The following CELF4 variants were observed in gnomAD, a reference collection of about 807,000 sequenced individuals.
CELF4 encodes CUG-BP- and ETR-3-like factor 4.
CELF4 carries 18 observed loss-of-function variants against 59.9 expected under a neutral mutation model. That is an observed-to-expected ratio of 0.30 (90% CI 0.21 to 0.45). The LOEUF (loss-of-function observed/expected upper bound fraction) is 0.45, where lower values mean the gene tolerates loss of function less well. CELF4 is among the 20% of genes least tolerant of loss of function. The pLI is 1.00. For synonymous variants in CELF4, 261 were observed against 267.1 expected, an observed-to-expected ratio of 0.98 and a Z score of 0.22; for missense variants, 456 against 689.0, an observed-to-expected ratio of 0.66 and a Z score of 3.79.
rs528497607 is a variant in CELF4 at position 37,444,549 on chromosome 18, C to T, written c.369+40976G>A. ...CTGCTCTACCCAAAAGCCAAGGTTA[C>T]AGCCGTAATAAACAAAGCTGCCCTT... On this transcript the variant is annotated intron_variant, in intron 2 of 12. Coordinates refer to ENST00000420428, the MANE Select transcript of CELF4 (RefSeq NM_020180.4). Among the ~76,000 whole-genome samples the T allele has an allele frequency of 3.8e-4, 58 of 151,830 alleles. 1 individual carries two copies. In the South Asian group the frequency reaches 0.012, roughly 30 times the overall value.
Position 37,485,336 on chromosome 18 carries a change from T to C in CELF4, c.369+189A>G, listed in dbSNP as rs1359854769. ...CACGGCCACGGCCAAGTGGGGCCCC[T>C]GTCCCGGATCCCGTTGGGCCCGGAC... On this transcript the variant is annotated intron_variant, in intron 2 of 12. Transcript: ENST00000420428. 3.3e-5 allele frequency among the ~76,000 whole-genome samples: 5 copies of C among 151,692 alleles called. No individual in the cohort carries two copies. The East Asian group carries it at 7.8e-4, about 24-fold the overall frequency.
chr18:37,336,024 G>C (rs939004637), intron 2 of CELF4, among the ~76,000 whole-genome samples: 6 of 152,156 alleles, frequency 3.9e-5, no homozygotes, highest in Non-Finnish European at 7.3e-5. Context: ...CAGTCTTGAT[G>C]GTCCTGCATT....
intron 1 of CELF4, among the ~76,000 whole-genome samples, chr18:37,500,192 G>T (rs921868592): frequency 2.6e-5 from 4 of 152,316 alleles, no homozygotes; most frequent in African/African-American, 9.6e-5. Context: ...GCCTAGTGCA[G>T]CCAGTGCCCC....
rs35971960 is a variant in CELF4 at position 37,431,362 on chromosome 18, C to CTTT, written c.369+54160_369+54162dup. On this transcript the variant is annotated intron_variant, in intron 2 of 12. Coordinates refer to ENST00000420428, the MANE Select transcript of CELF4 (RefSeq NM_020180.4). ...ACACAGCCACTTTCTCCTTTCTTTC[C>CTTT]TTTTTTTTTTTTTTTTTTTTTTTGA... Among the ~76,000 whole-genome samples the CTTT allele has an allele frequency of 5.9e-3, 484 of 81,526 alleles. 2 individuals carry two copies. Among genetic ancestry groups the CTTT allele is most frequent in the East Asian group, 7.7e-3 (19 of 2,456 alleles). 53.5% of individuals were successfully genotyped at this position (81,526 alleles called of 152,430 possible).
intron 1 of CELF4, among the ~76,000 whole-genome samples, chr18:37,520,746 C>T (rs1203902236): frequency 1.3e-5 from 2 of 152,160 alleles, no homozygotes; most frequent in African/African-American, 2.4e-5. Flanking sequence ...CCCTTCTTAC[C>T]CAGAGGGGAC....
At chr18:37,364,106 T>C (rs1157937475) in intron 2 of CELF4, among the ~76,000 whole-genome samples, 3 of 152,208 alleles carry the variant, frequency 2.0e-5, no homozygotes, top group African/African-American at 7.2e-5. Flanking sequence ...TTCCTTTAAA[T>C]GGGAATGTTT....
rs543531116 is a variant in CELF4 at position 37,385,085 on chromosome 18, G to A, written c.370-63204C>T. On this transcript the variant is annotated intron_variant, in intron 2 of 12. Coordinates refer to ENST00000420428, the MANE Select transcript of CELF4 (RefSeq NM_020180.4). ...CACTAGGCTGGGCGTGGTGGCTCAC[G>A]CCTGTAATCCCAGCACTTTGGGAGG... Among the ~76,000 whole-genome samples the A allele has an allele frequency of 9.2e-5, 14 of 152,186 alleles. No individual in the cohort carries two copies. In the South Asian group the frequency reaches 1.0e-3, roughly 11 times the overall value.
intron 2 of CELF4, among the ~76,000 whole-genome samples, chr18:37,476,837 G>C (rs750129369): frequency 2.1e-5 from 3 of 143,908 alleles, no homozygotes; most frequent in Non-Finnish European, 4.6e-5. Flanking sequence ...TCACATTCTC[G>C]CTCCGGTGGA....
At chr18:37,347,819 G>A (rs571211914) in intron 2 of CELF4, among the ~76,000 whole-genome samples, 15 of 152,258 alleles carry the variant, frequency 9.9e-5, no homozygotes, top group Admixed American at 6.5e-4. Context: ...GGAAGAGGAC[G>A]GGCTTGGTTT....
intron 2 of CELF4, among the ~76,000 whole-genome samples, chr18:37,411,603 G>A (rs2099459440): frequency 2.6e-5 from 4 of 152,174 alleles, no homozygotes; most frequent in African/African-American, 9.7e-5. Flanking sequence ...GTATTAACTG[G>A]CATTTAAAAC....
At chr18:37,384,100 G>T (rs1328905210) in intron 2 of CELF4, among the ~76,000 whole-genome samples, 3 of 152,012 alleles carry the variant, frequency 2.0e-5, no homozygotes, top group African/African-American at 4.8e-5. Flanking sequence ...CAATGCGGGG[G>T]TGACAGAGAG....
chr18:37,287,969 C>A (rs1000845669), intron 3 of CELF4, among the ~76,000 whole-genome samples: 3 of 152,130 alleles, frequency 2.0e-5, no homozygotes, highest in African/African-American at 7.2e-5. Flanking sequence ...GTAATGAGGT[C>A]TAAATGCAAA....
intron 2 of CELF4, among the ~76,000 whole-genome samples, chr18:37,323,340 A>T (rs2097189580): frequency 6.6e-6 from 1 of 151,996 alleles, no homozygotes. Context: ...TATGGAGTTG[A>T]GGGGAAGCAA....
chr18:37,519,525 C>T (rs952916), intron 1 of CELF4, among the ~76,000 whole-genome samples: 33,359 of 152,160 alleles, frequency 0.22, 4,463 homozygotes, highest in African/African-American at 0.38. Context: ...AGCACTAACA[C>T]AGAAGTACCC....
chr18:37,411,844 G>C (rs745487194), intron 2 of CELF4, among the ~76,000 whole-genome samples: 3 of 152,214 alleles, frequency 2.0e-5, no homozygotes, highest in Admixed American at 6.5e-5. Context: ...TAGTTCAGCT[G>C]TGCCAACTGT....
chr18:37,276,488 G>A (rs1432028910), intron 3 of CELF4: 1 of 152,174 alleles, frequency 6.6e-6, no homozygotes, highest in Non-Finnish European at 1.5e-5. Flanking sequence ...TAGCTCTGTG[G>A]AAGCCAGCCA....
At chr18:37,413,097 C>T (rs553012176) in intron 2 of CELF4, among the ~76,000 whole-genome samples, 5 of 152,176 alleles carry the variant, frequency 3.3e-5, no homozygotes, top group East Asian at 3.9e-4. Flanking sequence ...TCTTGTTAGC[C>T]CTGGAGGCTC....
chr18:37,505,808 C>T (rs2099937174), intron 1 of CELF4, among the ~76,000 whole-genome samples: 1 of 152,186 alleles, frequency 6.6e-6, no homozygotes, highest in African/African-American at 2.4e-5. Context: ...CCTGTTGTGA[C>T]ACATGTGAAG....
chr18:37,487,117 T>G (rs750795872), intron 1 of CELF4, among the ~76,000 whole-genome samples: 8 of 152,188 alleles, frequency 5.3e-5, no homozygotes, highest in Non-Finnish European at 1.0e-4. Flanking sequence ...TCAGCCCTTG[T>G]CACCAGGCTT....
Sources: gnomAD v4.1 joint callset for allele counts (sites outside exome capture counted in the v4.1 genomes callset) on GRCh38, gnomAD v4.1.1 for gene constraint, MANE v1.5 for transcripts, NCBI Gene and HGNC (gene_info 2026-07-23, HGNC 2026-07-21) for gene names.